Variants in BRINP3 observed in about 807,000 individuals in gnomAD.
BRINP3 encodes the protein BMP/retinoic acid inducible neural specific 3.
BRINP3 carries 19 observed loss-of-function variants against 71.0 expected under a neutral mutation model. That is an observed-to-expected ratio of 0.27 (90% CI 0.19 to 0.39). The LOEUF is 0.39. Ranked by LOEUF, BRINP3 falls within the 10% of genes least tolerant of loss-of-function variation. BRINP3 has a pLI of 1.00. For missense variants in BRINP3, 959 were observed against 940.8 expected (o/e 1.02, Z -0.25); for synonymous variants, 380 against 337.7 (o/e 1.13, Z -1.37).
At chr1:190,264,786 C>T in intron 4 of BRINP3, 79 bp downstream of exon 4, 3 of 1,149,122 alleles carry the variant, frequency 2.6e-6, no homozygotes, top group Admixed American at 2.4e-5. Flanking sequence ...ATGGAATAAG[C>T]AAATACATAA....
intron 2 of BRINP3, among the ~76,000 whole-genome samples, chr1:190,343,851 T>C (rs1667831121): frequency 6.6e-6 from 1 of 151,684 alleles, no homozygotes; most frequent in African/African-American, 2.4e-5. Flanking sequence ...AGATTTCTTC[T>C]TATAAATATC....
At chr1:190,314,839 T>C (rs1665773893) in intron 2 of BRINP3, among the ~76,000 whole-genome samples, 1 of 152,130 alleles carries the variant, frequency 6.6e-6, no homozygotes, top group Non-Finnish European at 1.5e-5. Context: ...ATGGAGACTC[T>C]TGTCACCAGT....
intron 4 of BRINP3, among the ~76,000 whole-genome samples, chr1:190,255,023 G>C (rs1660521782): frequency 6.7e-6 from 1 of 150,232 alleles, no homozygotes; most frequent in African/African-American, 2.5e-5. Flanking sequence ...CATCAATTGA[G>C]ATAATCATGT....
chr1:190,157,325 A>T (rs1273284854), intron 7 of BRINP3, among the ~76,000 whole-genome samples: 1 of 152,012 alleles, frequency 6.6e-6, no homozygotes, highest in Non-Finnish European at 1.5e-5. Flanking sequence ...AAATCTGCAT[A>T]TAACTGGACC....
intron 2 of BRINP3, among the ~76,000 whole-genome samples, chr1:190,294,052 G>C (rs752632864): frequency 7.9e-5 from 12 of 151,942 alleles, no homozygotes; most frequent in Non-Finnish European, 1.6e-4. Flanking sequence ...GTAAGGACTT[G>C]ATACTGCCAT....
chr1:190,270,276 T>A (rs1184035925), intron 3 of BRINP3, among the ~76,000 whole-genome samples: 1 of 151,606 alleles, frequency 6.6e-6, no homozygotes, highest in Non-Finnish European at 1.5e-5. Flanking sequence ...TGGAAGAAAG[T>A]TTCCTCTGAA....
chr1:190,387,928 A>G (rs573754622), intron 2 of BRINP3, among the ~76,000 whole-genome samples: 4 of 151,866 alleles, frequency 2.6e-5, no homozygotes, highest in South Asian at 2.1e-4. Context: ...AAAATTAATA[A>G]ATCCAAAATT....
intron 7 of BRINP3, among the ~76,000 whole-genome samples, chr1:190,128,028 C>T (rs1429001064): frequency 6.6e-6 from 1 of 151,704 alleles, no homozygotes. Flanking sequence ...AATTCATTGG[C>T]TGTAATTAGT....
At chr1:190,413,658 T>C (rs1437300153) in intron 2 of BRINP3, among the ~76,000 whole-genome samples, 1 of 152,264 alleles carries the variant, frequency 6.6e-6, no homozygotes, top group South Asian at 2.1e-4. Context: ...GGGAGCACAG[T>C]TCTGTCAACC....
intron 2 of BRINP3, among the ~76,000 whole-genome samples, chr1:190,311,790 G>A (rs868487259): frequency 4.2e-4 from 63 of 150,518 alleles, no homozygotes; most frequent in African/African-American, 1.3e-3. Flanking sequence ...GAAAAGCTGC[G>A]TCTAAAGAGA....
chr1:190,346,064 T>C (rs1668004745), intron 2 of BRINP3, among the ~76,000 whole-genome samples: 1 of 151,920 alleles, frequency 6.6e-6, no homozygotes, highest in Admixed American at 6.6e-5. Context: ...AATAAAAGGG[T>C]TAAGAAAATG....
chr1:190,264,156 G>A (rs961088935), intron 4 of BRINP3, among the ~76,000 whole-genome samples: 2 of 151,972 alleles, frequency 1.3e-5, no homozygotes, highest in Non-Finnish European at 2.9e-5. Flanking sequence ...TTATTGTTTA[G>A]GAGACAACAA....
chr1:190,200,415 T>C (rs1654900324), intron 6 of BRINP3, among the ~76,000 whole-genome samples: 1 of 152,126 alleles, frequency 6.6e-6, no homozygotes, highest in Admixed American at 6.6e-5. Context: ...AGACCATATA[T>C]TATTCTCTAT....
intron 2 of BRINP3, among the ~76,000 whole-genome samples, chr1:190,448,958 G>T (rs1424690902): frequency 6.6e-6 from 1 of 151,672 alleles, no homozygotes; most frequent in East Asian, 1.9e-4. Context: ...GGTTGAAAAT[G>T]GAAATATTAA....
intron 1 of BRINP3, among the ~76,000 whole-genome samples, chr1:190,464,147 A>T (rs2419379): frequency 0.37 from 53,659 of 144,142 alleles, 9,515 homozygotes; most frequent in Admixed American, 0.4. Flanking sequence ...GTTTTTTTTT[A>T]AAAAAAAAAG....
chr1:190,294,670 A>G (rs537452884), intron 2 of BRINP3, among the ~76,000 whole-genome samples: 1 of 152,102 alleles, frequency 6.6e-6, no homozygotes, highest in African/African-American at 2.4e-5. Flanking sequence ...TATTTTGGAT[A>G]CTTGGAGGCA....
intron 2 of BRINP3, among the ~76,000 whole-genome samples, chr1:190,352,245 AC>A (rs1668435907): frequency 6.6e-6 from 1 of 152,052 alleles, no homozygotes; most frequent in South Asian, 2.1e-4. Context: ...TTTGTTTTAG[AC>A]CAAAAATATA....
chr1:190,347,711 AT>A (rs1558203874), intron 2 of BRINP3, among the ~76,000 whole-genome samples: 1 of 151,960 alleles, frequency 6.6e-6, no homozygotes, highest in Non-Finnish European at 1.5e-5. Flanking sequence ...TTTTATTCTT[AT>A]TTTTTTCTCC....
intron 2 of BRINP3, among the ~76,000 whole-genome samples, chr1:190,396,930 T>C (rs1417203428): frequency 1.3e-5 from 2 of 151,546 alleles, no homozygotes; most frequent in Admixed American, 6.6e-5. Context: ...CAACTCAGTA[T>C]GCATAAAGCT....
Sources: allele counts gnomAD v4.1 joint callset (sites outside exome capture counted in the v4.1 genomes callset), GRCh38; gene constraint gnomAD v4.1.1; transcripts MANE v1.5; gene names NCBI Gene and HGNC (gene_info 2026-07-23, HGNC 2026-07-21).